Variants in GRIK3 observed in about 807,000 individuals in gnomAD.
GRIK3 encodes the protein glutamate ionotropic receptor kainate type subunit 3, also known as glutamate receptor ionotropic, kainate 3.
GRIK3 carries 29 observed loss-of-function variants against 102.5 expected under a neutral mutation model. The observed-to-expected ratio is 0.28, with a 90% CI of 0.21 to 0.39. The LOEUF is 0.39. Among genes scored for constraint, GRIK3 ranks in the 10% least tolerant of loss-of-function variants. GRIK3 has a pLI of 1.00. For synonymous variants in GRIK3, 511 were observed against 504.9 expected (o/e 1.01, Z -0.16); for missense variants, 908 against 1,252.4 (o/e 0.73, Z 4.15).
chr1:37,001,865 C>T lies in GRIK3; in HGVS notation c.115+32129G>A, dbSNP rs556780712. Among the ~76,000 whole-genome samples, 9 of 149,632 alleles carry T rather than the reference C, an allele frequency of 6.0e-5. No individual in the cohort carries two copies. In the East Asian group the frequency reaches 1.5e-3, roughly 26 times the overall value. On this transcript the variant is annotated intron_variant, in intron 1 of 15. Transcript: ENST00000373091. ...CAAGCAAATTACCACTGTGGGTGAC[C>T]GGAGCTCAGTCTTACCACTGGGGAC...
intron 1 of GRIK3, among the ~76,000 whole-genome samples, chr1:36,933,922 A>C (rs1171625842): frequency 6.6e-6 from 1 of 152,036 alleles, no homozygotes; most frequent in Non-Finnish European, 1.5e-5. Context: ...CTCGCCCCCC[A>C]CCACCTCATC....
intron 13 of GRIK3, among the ~76,000 whole-genome samples, chr1:36,813,080 T>A (rs1219322557): frequency 1.3e-5 from 2 of 152,092 alleles, no homozygotes; most frequent in African/African-American, 4.8e-5. Context: ...TGTGGCTGGG[T>A]CCTTAGAGAA....
In GRIK3 at chr1:36,800,839, A is replaced by C. The variant is rs1203463743; in HGVS notation, c.*1012T>G. 4 of 152,240 alleles carry C rather than the reference A, an allele frequency of 2.6e-5. No individual in the cohort carries two copies. Among genetic ancestry groups the C allele is most frequent in the African/African-American group, 9.6e-5 (4 of 41,468 alleles). The allele number at this position is 152,240 out of a possible 1,614,324, so 9.4% of individuals were successfully genotyped here. On this transcript the variant is annotated 3_prime_UTR_variant, in exon 16 of 16. Coordinates refer to ENST00000373091, the MANE Select transcript of GRIK3 (RefSeq NM_000831.4). Reference sequence around the variant, plus strand: ...ACTCTTCTTTCAAAAAGACAGAGTGAGGCCAAGGTCAACCAGCCAGGAATG... The same window carrying C: ...ACTCTTCTTTCAAAAAGACAGAGTGCGGCCAAGGTCAACCAGCCAGGAATG...
intron 1 of GRIK3, among the ~76,000 whole-genome samples, chr1:36,918,921 T>C (rs1382363350): frequency 2.0e-5 from 3 of 152,190 alleles, no homozygotes; most frequent in South Asian, 2.1e-4. Flanking sequence ...CGAACACCAA[T>C]GACAGGCCAA....
intron 5 of GRIK3, among the ~76,000 whole-genome samples, chr1:36,865,562 A>C (rs989644416): frequency 6.6e-6 from 1 of 152,208 alleles, no homozygotes; most frequent in African/African-American, 2.4e-5. Context: ...CTGGTGCTCC[A>C]ACCGATGGGG....
chr1:36,850,099 A>C lies in GRIK3; in HGVS notation c.1326+212T>G. ...AGGACTTGGGGAGTGAGTGGGAGTGAGACACAAAAACGCAGCGGCTTCCGC... is the reference window on the plus strand; with the variant it reads ...AGGACTTGGGGAGTGAGTGGGAGTGCGACACAAAAACGCAGCGGCTTCCGC... On this transcript the variant is annotated intron_variant, in intron 9 of 15. Coordinates refer to ENST00000373091, the MANE Select transcript of GRIK3 (RefSeq NM_000831.4). This position sits in a 1 kb window ranked among gnomAD's most constrained non-coding sequence, Gnocchi z 4.0. 1.8e-6 allele frequency: 1 copy of C among 556,922 alleles called. No homozygotes were observed. Among genetic ancestry groups the C allele is most frequent in the East Asian group, 3.0e-5 (1 of 33,166 alleles). The allele number at this position is 556,922 out of a possible 1,614,324, so 34.5% of individuals were successfully genotyped here. A position where few individuals can be genotyped will look rare whatever the true frequency, so the allele number is the denominator to read the frequency against.
chr1:36,984,114 C>T (rs1642278685), intron 1 of GRIK3, among the ~76,000 whole-genome samples: 2 of 152,350 alleles, frequency 1.3e-5, no homozygotes, highest in South Asian at 4.1e-4. Flanking sequence ...CCTTGCATGC[C>T]TGCAATGTCC....
At chr1:36,842,533 C>G (rs1181078371) in intron 9 of GRIK3, among the ~76,000 whole-genome samples, 1 of 152,208 alleles carries the variant, frequency 6.6e-6, no homozygotes, top group Non-Finnish European at 1.5e-5. Flanking sequence ...TTTACATGCT[C>G]CTGGATGCCG....
chr1:36,816,775 C>G (rs1333749958), intron 13 of GRIK3, among the ~76,000 whole-genome samples: 1 of 152,212 alleles, frequency 6.6e-6, no homozygotes, highest in Admixed American at 6.5e-5. Flanking sequence ...CCAGGCCCCT[C>G]TCTTCATCTG....
In GRIK3 at chr1:36,965,743, T is replaced by C. The variant is rs369828884; in HGVS notation, c.115+68251A>G. ...TTTTGTTCCCAGGGAGGTTAAACGTTCTCTGTGGAACCTCAATTCCCTAAG... is the reference window on the plus strand; with the variant it reads ...TTTTGTTCCCAGGGAGGTTAAACGTCCTCTGTGGAACCTCAATTCCCTAAG... On this transcript the variant is annotated intron_variant, in intron 1 of 15. Transcript: ENST00000373091. Among the ~76,000 whole-genome samples the C allele has an allele frequency of 3.6e-4, 55 of 152,308 alleles. 2 individuals are homozygous for C. Among genetic ancestry groups the C allele is most frequent in the East Asian group, 2.5e-3 (13 of 5,190 alleles).
intron 1 of GRIK3, among the ~76,000 whole-genome samples, chr1:36,929,608 T>C (rs1641565926): frequency 6.6e-6 from 1 of 152,192 alleles, no homozygotes; most frequent in African/African-American, 2.4e-5. Context: ...AGGGATTTTC[T>C]AGTTTTTTTC....
intron 1 of GRIK3, among the ~76,000 whole-genome samples, chr1:36,947,766 T>C (rs112868244): frequency 4.6e-5 from 7 of 152,212 alleles, no homozygotes; most frequent in African/African-American, 1.4e-4. Context: ...TGAAGCAGGA[T>C]AGTTTTATCC....
intron 1 of GRIK3, among the ~76,000 whole-genome samples, chr1:37,006,586 A>G (rs1232939689): frequency 6.6e-6 from 1 of 152,246 alleles, no homozygotes; most frequent in Admixed American, 6.5e-5. Flanking sequence ...TCAATGCCCC[A>G]CAGGACTCAG....
intron 1 of GRIK3, among the ~76,000 whole-genome samples, chr1:36,981,332 T>C (rs1045058389): frequency 6.6e-6 from 1 of 151,244 alleles, no homozygotes; most frequent in Admixed American, 6.6e-5. Context: ...TCTGGGAGGG[T>C]GAGTGGGTCA....
intron 1 of GRIK3, among the ~76,000 whole-genome samples, chr1:36,927,772 T>TC (rs1641543795): frequency 6.6e-6 from 1 of 152,112 alleles, no homozygotes; most frequent in Admixed American, 6.5e-5. Flanking sequence ...GTAATAGATT[T>TC]CAACAGGTTC....
intron 1 of GRIK3, among the ~76,000 whole-genome samples, chr1:36,995,905 C>T (rs1166504181): frequency 2.6e-5 from 4 of 152,220 alleles, no homozygotes; most frequent in Admixed American, 6.5e-5. Flanking sequence ...CCTTCTTGGC[C>T]AGAATTAGAT....
chr1:36,973,491 C>T (rs981992318), intron 1 of GRIK3, among the ~76,000 whole-genome samples: 1 of 146,400 alleles, frequency 6.8e-6, no homozygotes, highest in Admixed American at 7.0e-5. Flanking sequence ...ACAATCTTGG[C>T]TCACCACAAC....
At chr1:36,969,032 T>A (rs1036555342) in intron 1 of GRIK3, among the ~76,000 whole-genome samples, 32 of 152,294 alleles carry the variant, frequency 2.1e-4, no homozygotes, top group African/African-American at 7.7e-4. Context: ...TTAATGAAAT[T>A]GATACCATAT....
chr1:36,834,990 C>T (rs761078692), intron 10 of GRIK3, among the ~76,000 whole-genome samples: 9 of 152,324 alleles, frequency 5.9e-5, no homozygotes, highest in East Asian at 3.9e-4. Context: ...GCCTTTTCCT[C>T]GGGGTATACT....
Sources: gnomAD v4.1 joint callset for allele counts (sites outside exome capture counted in the v4.1 genomes callset) on GRCh38, gnomAD v4.1.1 for gene constraint, Gnocchi (gnomAD v3.1) non-coding constraint, MANE v1.5 for transcripts, NCBI Gene and HGNC (gene_info 2026-07-23, HGNC 2026-07-21) for gene names.